Variants in LRRC4C observed in about 807,000 individuals in gnomAD.
LRRC4C encodes the protein leucine-rich repeat-containing protein 4C.
Under a neutral mutation model 33.6 loss-of-function variants are expected in LRRC4C, and 5 were observed. The ratio of observed to expected loss-of-function variants is 0.15; its 90% confidence interval spans 0.08 to 0.31. LRRC4C has a LOEUF of 0.31. Among genes scored for constraint, LRRC4C ranks in the 10% least tolerant of loss-of-function variants. LRRC4C has a pLI of 1.00. For synonymous variants in LRRC4C, 329 were observed against 302.0 expected, an observed-to-expected ratio of 1.09 and a Z score of -0.93; for missense variants, 560 against 796.7, an observed-to-expected ratio of 0.70 and a Z score of 3.58.
At chr11:40,145,022 T>C (rs1429761195) in intron 5 of LRRC4C, among the ~76,000 whole-genome samples, 2 of 152,216 alleles carry the variant, frequency 1.3e-5, no homozygotes, top group Non-Finnish European at 2.9e-5. Flanking sequence ...TGCTTGCTTA[T>C]GTGTCTTTCT....
At chr11:41,419,808 T>C (rs1954813271) in intron 1 of LRRC4C, among the ~76,000 whole-genome samples, 1 of 151,904 alleles carries the variant, frequency 6.6e-6, no homozygotes, top group Non-Finnish European at 1.5e-5. Context: ...CTGCTGCTTA[T>C]TGCAACCAGG....
At chr11:40,456,140 A>G (rs959158772) in intron 3 of LRRC4C, among the ~76,000 whole-genome samples, 1 of 152,156 alleles carries the variant, frequency 6.6e-6, no homozygotes, top group African/African-American at 2.4e-5. Context: ...ACCAATATTA[A>G]TCAACCTCTT....
intron 3 of LRRC4C, among the ~76,000 whole-genome samples, chr11:40,385,910 A>ATAAAT (rs1949093318): frequency 6.8e-6 from 1 of 147,962 alleles, no homozygotes; most frequent in Non-Finnish European, 1.5e-5. Flanking sequence ...ATAAAATAAA[A>ATAAAT]AAATAAAAAA....
intron 4 of LRRC4C, among the ~76,000 whole-genome samples, chr11:40,297,365 C>T (rs561167805): frequency 1.1e-3 from 171 of 152,174 alleles, no homozygotes; most frequent in African/African-American, 3.9e-3. Flanking sequence ...TATAGTCACA[C>T]GTAATGACAT....
intron 3 of LRRC4C, among the ~76,000 whole-genome samples, chr11:40,492,830 C>T (rs2138531160): frequency 6.6e-6 from 1 of 152,136 alleles, no homozygotes; most frequent in East Asian, 1.9e-4. Context: ...TATTTTTTCA[C>T]TGATGGTGAA....
At chr11:41,073,808 C>T (rs1354881718) in intron 1 of LRRC4C, among the ~76,000 whole-genome samples, 2 of 152,168 alleles carry the variant, frequency 1.3e-5, no homozygotes, top group Non-Finnish European at 1.5e-5. Context: ...GCCATTTCAT[C>T]TCTTTTCCCC....
chr11:40,499,966 A>C (rs1954662613), intron 3 of LRRC4C, among the ~76,000 whole-genome samples: 1 of 152,108 alleles, frequency 6.6e-6, no homozygotes, highest in Admixed American at 6.6e-5. Flanking sequence ...GGTGTTTTTC[A>C]TGGTGGGCCC....
intron 1 of LRRC4C, among the ~76,000 whole-genome samples, chr11:41,003,616 A>C (rs556073068): frequency 1.3e-5 from 2 of 152,096 alleles, no homozygotes; most frequent in Non-Finnish European, 2.9e-5. Flanking sequence ...CACTAAATGC[A>C]TAAAGACAGA....
intron 2 of LRRC4C, among the ~76,000 whole-genome samples, chr11:40,812,192 A>G (rs1951519010): frequency 6.6e-6 from 1 of 152,166 alleles, no homozygotes; most frequent in African/African-American, 2.4e-5. Context: ...TATTTCTATT[A>G]TTAATCCTAA....
At chr11:40,918,621 A>C (rs2136337362) in intron 2 of LRRC4C, among the ~76,000 whole-genome samples, 1 of 152,158 alleles carries the variant, frequency 6.6e-6, no homozygotes, top group African/African-American at 2.4e-5. Context: ...TGTTTCCTTT[A>C]GCTTTTTAAA....
At chr11:40,642,297 C>T (rs1029421823) in intron 3 of LRRC4C, among the ~76,000 whole-genome samples, 5 of 152,066 alleles carry the variant, frequency 3.3e-5, no homozygotes, top group South Asian at 2.1e-4. Flanking sequence ...AGAAATAATT[C>T]GCTAACTTGA....
chr11:40,340,377 C>G (rs1946812845), intron 3 of LRRC4C, among the ~76,000 whole-genome samples: 1 of 152,090 alleles, frequency 6.6e-6, no homozygotes, highest in Non-Finnish European at 1.5e-5. Context: ...AGAAAACTAA[C>G]AGTGTTGAAT....
rs898049059 is a variant in LRRC4C, at chr11:41,438,886, AT to A, written c.-496+20544del. On this transcript the variant is annotated intron_variant, in intron 1 of 6. Transcript: ENST00000528697. ...TAGATAAATTGGTAGGTGTTTTTAA[AT>A]TTTTTTTTGTTTTAGCAACTGATTC... Among the ~76,000 whole-genome samples, 9 of 151,696 alleles carry A rather than the reference AT, an allele frequency of 5.9e-5. No individual in the cohort carries two copies. The East Asian group carries it at 1.2e-3, about 20-fold the overall frequency.
At chr11:40,381,961 T>TTG (rs1948886677) in intron 3 of LRRC4C, among the ~76,000 whole-genome samples, 1 of 138,000 alleles carries the variant, frequency 7.2e-6, no homozygotes, top group Non-Finnish European at 1.6e-5. Context: ...AGCGTTTTTT[T>TTG]TTTTTTTTTT....
intron 1 of LRRC4C, among the ~76,000 whole-genome samples, chr11:41,397,705 T>TACTTAAATA (rs1219608697): frequency 6.6e-6 from 1 of 151,808 alleles, no homozygotes; most frequent in Non-Finnish European, 1.5e-5. Context: ...TTTATCTAAT[T>TACTTAAATA]ACTTAAATAT....
chr11:40,906,629 T>C (rs1280624796), intron 2 of LRRC4C, among the ~76,000 whole-genome samples: 1 of 152,182 alleles, frequency 6.6e-6, no homozygotes, highest in East Asian at 1.9e-4. Context: ...TGCTTTATTT[T>C]GATATTCCCT....
intron 1 of LRRC4C, among the ~76,000 whole-genome samples, chr11:41,034,609 A>G (rs1238302654): frequency 2.5e-3 from 42 of 16,884 alleles, no homozygotes; most frequent in Middle Eastern, 0.036. Flanking sequence ...ATGGTGACGT[A>G]TATATATATA....
chr11:40,639,493 T>C (rs1443296224), intron 3 of LRRC4C, among the ~76,000 whole-genome samples: 1 of 152,224 alleles, frequency 6.6e-6, no homozygotes, highest in Non-Finnish European at 1.5e-5. Flanking sequence ...AGTACACCAT[T>C]GGTTCTACCT....
chr11:41,360,505 G>C (rs532450795), intron 1 of LRRC4C, among the ~76,000 whole-genome samples: 2 of 152,220 alleles, frequency 1.3e-5, no homozygotes, highest in African/African-American at 2.4e-5. Context: ...TGAAATATGA[G>C]CTACAATGGA....
Sources: allele counts gnomAD v4.1 joint callset (sites outside exome capture counted in the v4.1 genomes callset), GRCh38; gene constraint gnomAD v4.1.1; transcripts MANE v1.5; gene names NCBI Gene and HGNC (gene_info 2026-07-23, HGNC 2026-07-21).